LGI2: variants seen among roughly 807,000 people sequenced by gnomAD.
LGI2 encodes leucine rich repeat LGI family member 2.
LGI2 carries 30 observed loss-of-function variants against 52.0 expected under a neutral mutation model. The ratio of observed to expected loss-of-function variants is 0.58; its 90% CI spans 0.43 to 0.78. LGI2 has a LOEUF of 0.78. Among genes scored for constraint, LGI2 ranks in the 30% least tolerant of loss-of-function variants. The pLI is 0.00. For synonymous variants in LGI2, 270 were observed against 271.8 expected (o/e 0.99, Z 0.06); for missense variants, 573 against 692.5 (o/e 0.83, Z 1.94).
At position 25,004,588 on chromosome 4, in the gene LGI2, C is replaced by A. The variant is rs975151373; in HGVS notation, c.821-320G>T. Among the ~76,000 whole-genome samples, 3 of 152,080 alleles carry A rather than the reference C, an allele frequency of 2.0e-5. No homozygotes were observed. The highest frequency in any genetic ancestry group is 4.4e-5 in the Non-Finnish European group (3 of 68,016). On this transcript the variant is annotated intron_variant, in intron 7 of 7. Transcript: ENST00000382114. This position sits in a 1 kb window ranked among gnomAD's most constrained non-coding sequence, Gnocchi z 4.6. ...AATGTGATGGTATTTGGTGGTGGGG[C>A]CTTTGGGAGGTGATTAGGTCATGGG...
In LGI2 at chr4:24,999,697, C is replaced by A; in HGVS notation, c.*3754G>T. On this transcript the variant is annotated 3_prime_UTR_variant, in exon 8 of 8. Coordinates refer to ENST00000382114, the MANE Select transcript of LGI2 (RefSeq NM_018176.4). ...TTATACCCCAGGCCAGAGAAATTTC[C>A]ATCATGAGCACTCCTGACCGCCAAA... 1 of 388,168 alleles carries A rather than the reference C, an allele frequency of 2.6e-6. No homozygotes were observed. The highest frequency in any genetic ancestry group is 5.1e-6 in the Non-Finnish European group (1 of 194,286). The allele number at this position is 388,168 out of a possible 1,614,324, so 24.0% of individuals were successfully genotyped here.
At chr4:25,019,403 T>C (rs1458218193) in intron 4 of LGI2, among the ~76,000 whole-genome samples, 165 bp from the exon 5 acceptor site, 1 of 138,312 alleles carries the variant, frequency 7.2e-6, no homozygotes, top group Non-Finnish European at 1.5e-5. Context: ...TGCTGGATTA[T>C]AATATACATT....
downstream of LGI2, among the ~76,000 whole-genome samples, chr4:24,994,612 C>T (rs751535931): frequency 6.6e-6 from 1 of 152,144 alleles, no homozygotes; most frequent in Non-Finnish European, 1.5e-5. Context: ...CTCCACACTG[C>T]AAATATGTGA....
At chr4:25,014,523 AG>A (rs1209628477) in intron 6 of LGI2, among the ~76,000 whole-genome samples, 1 of 148,540 alleles carries the variant, frequency 6.7e-6, no homozygotes, top group African/African-American at 2.5e-5. Flanking sequence ...GAGGAAGAGA[AG>A]GAAAAAAGAA....
chr4:25,021,930 C>CAAAAAAAAAAAA (rs35526176), intron 4 of LGI2, among the ~76,000 whole-genome samples: 1 of 76,590 alleles, frequency 1.3e-5, no homozygotes, highest in Non-Finnish European at 2.9e-5. Flanking sequence ...GATTCCATCT[C>CAAAAAAAAAAAA]AAAAAAAAAA....
At chr4:25,015,007 A>C (rs1343321440) in intron 6 of LGI2, among the ~76,000 whole-genome samples, 1 of 152,224 alleles carries the variant, frequency 6.6e-6, no homozygotes, top group Non-Finnish European at 1.5e-5. Context: ...AAGATCTCAG[A>C]AATACACATA....
downstream of LGI2, among the ~76,000 whole-genome samples, chr4:24,996,532 T>C (rs1725087633): frequency 6.6e-6 from 1 of 151,540 alleles, no homozygotes; most frequent in Admixed American, 6.6e-5. Context: ...GAGGAGAGAG[T>C]CACACCACGG....
chr4:25,006,503 T>C (rs1173224916), intron 7 of LGI2, among the ~76,000 whole-genome samples: 1 of 152,236 alleles, frequency 6.6e-6, no homozygotes, highest in African/African-American at 2.4e-5. Flanking sequence ...CATTTACTTT[T>C]CTCTTTCACC....
At chr4:24,996,608 C>A (rs905032553), downstream of LGI2, among the ~76,000 whole-genome samples, 1 of 152,154 alleles carries the variant, frequency 6.6e-6, no homozygotes, top group Non-Finnish European at 1.5e-5. Flanking sequence ...GAGGTCCCAA[C>A]CCTACTTCCA....
intron 4 of LGI2, among the ~76,000 whole-genome samples, chr4:25,022,932 C>T (rs1244378370): frequency 1.3e-5 from 2 of 152,154 alleles, no homozygotes; most frequent in Non-Finnish European, 2.9e-5. Flanking sequence ...CTCATCTGGC[C>T]ACAGCTGTTC....
intron 6 of LGI2, 28 bp downstream of exon 6, chr4:25,017,961 C>T (rs749405646): frequency 5.4e-5 from 84 of 1,549,018 alleles, no homozygotes; most frequent in Non-Finnish European, 7.0e-5. Flanking sequence ...TCTAAATATC[C>T]GTGTCTGATG....
intron 4 of LGI2, among the ~76,000 whole-genome samples, chr4:25,023,901 C>T (rs1471688979): frequency 6.6e-6 from 1 of 152,168 alleles, no homozygotes; most frequent in Non-Finnish European, 1.5e-5. Context: ...GTACTTGCTT[C>T]ATTTTTATAT....
intron 7 of LGI2, among the ~76,000 whole-genome samples, chr4:25,008,918 C>T (rs887444185): frequency 6.6e-6 from 1 of 152,248 alleles, no homozygotes; most frequent in African/African-American, 2.4e-5. Flanking sequence ...ACTCGGATCG[C>T]ACTGACTTCC....
intron 6 of LGI2, among the ~76,000 whole-genome samples, chr4:25,014,694 G>A (rs569461476): frequency 6.6e-6 from 1 of 152,116 alleles, no homozygotes; most frequent in East Asian, 1.9e-4. Context: ...AGCTGGGCAT[G>A]ATGGTGCATG....
rs148813411 is a variant in LGI2 at position 25,017,457 on chromosome 4, G to A, written c.655+532C>T. On this transcript the variant is annotated intron_variant, in intron 6 of 7. Coordinates refer to ENST00000382114, the MANE Select transcript of LGI2 (RefSeq NM_018176.4). ...CTCAGGAGGCTGAGGCAGGAGAATC[G>A]CTTGAACCCAGGAGGTGGAGATTGC... is the stretch of plus-strand genomic sequence containing the variant. 4.3e-3 allele frequency among the ~76,000 whole-genome samples: 628 copies of A among 145,484 alleles called. 4 individuals are homozygous for A. Among genetic ancestry groups the A allele is most frequent in the African/African-American group, 0.014 (532 of 38,848 alleles).
At chr4:24,992,144 G>A in the LGI2 span, among the ~76,000 whole-genome samples, 1 of 152,164 alleles carries the variant, frequency 6.6e-6, no homozygotes, top group African/African-American at 2.4e-5. Context: ...CTTCCACTGT[G>A]AAAACAAAGC....
chr4:24,994,970 C>T (rs1725023082), downstream of LGI2, among the ~76,000 whole-genome samples: 1 of 152,240 alleles, frequency 6.6e-6, no homozygotes, highest in African/African-American at 2.4e-5. Context: ...AAAGTGACTA[C>T]ATTCCTCTTC....
In LGI2 at chr4:25,000,019, AAAC is replaced by A. The variant is rs1340848364; in HGVS notation, c.*3429_*3431del. 9.8e-6 allele frequency: 3 copies of A among 305,602 alleles called. No homozygotes were observed. Among genetic ancestry groups the A allele is most frequent in the African/African-American group, 6.7e-5 (3 of 45,030 alleles). 18.9% of individuals were successfully genotyped at this position (305,602 alleles called of 1,614,324 possible). ...TAGATATCCTCCTTAGTACAACAGA[AAAC>A]TATCCAAAATTTCTGGACCACTTTC... On this transcript the variant is annotated 3_prime_UTR_variant, in exon 8 of 8. Transcript: ENST00000382114.
chr4:25,014,986 A>C (rs1491001905), intron 6 of LGI2, among the ~76,000 whole-genome samples: 1 of 152,192 alleles, frequency 6.6e-6, no homozygotes, highest in Non-Finnish European at 1.5e-5. Flanking sequence ...GCAAAAGCAC[A>C]TTCTTGTGGA....
Sources: allele counts gnomAD v4.1 joint callset (sites outside exome capture counted in the v4.1 genomes callset), GRCh38; gene constraint gnomAD v4.1.1; non-coding constraint Gnocchi (gnomAD v3.1); transcripts MANE v1.5; gene names NCBI Gene and HGNC (gene_info 2026-07-23, HGNC 2026-07-21).